C1QTNF7: variants seen among roughly 807,000 people sequenced by gnomAD.
C1QTNF7 encodes C1q and TNF related 7, also known as complement C1q tumor necrosis factor-related protein 7.
C1QTNF7 carries 15 observed loss-of-function variants against 19.6 expected under a neutral mutation model. The ratio of observed to expected loss-of-function variants is 0.76; its 90% CI spans 0.51 to 1.18. The LOEUF (loss-of-function observed/expected upper bound fraction) is 1.18, where lower values mean the gene tolerates loss of function less well. Among genes scored for constraint, C1QTNF7 ranks in the 50% most tolerant of loss-of-function variants. The probability of loss-of-function intolerance (pLI) is 0.00; values close to 1 mark genes in which losing one functional copy is unlikely to be tolerated. For missense variants in C1QTNF7, 324 were observed against 359.7 expected (o/e 0.90, Z 0.80); for synonymous variants, 142 against 137.5 (o/e 1.03, Z -0.23).
intron 1 of C1QTNF7, among the ~76,000 whole-genome samples, chr4:15,403,260 C>A (rs920440440): frequency 2.6e-5 from 4 of 152,140 alleles, no homozygotes; most frequent in African/African-American, 7.2e-5. Context: ...TTTGGATGTC[C>A]AATGTTGGTC....
chr4:15,414,734 G>T (rs1220761636), intron 1 of C1QTNF7, among the ~76,000 whole-genome samples: 1 of 151,990 alleles, frequency 6.6e-6, no homozygotes, highest in East Asian at 1.9e-4. Flanking sequence ...CTTCCAGCAA[G>T]AATCCTTTGG....
At chr4:15,356,461 G>A (rs965082962) in intron 1 of C1QTNF7, among the ~76,000 whole-genome samples, 3 of 152,152 alleles carry the variant, frequency 2.0e-5, no homozygotes, top group South Asian at 4.1e-4. Flanking sequence ...AGTATTCCAC[G>A]GTGTATATGT....
intron 1 of C1QTNF7, among the ~76,000 whole-genome samples, chr4:15,380,065 A>G (rs1337423252): frequency 6.6e-6 from 1 of 152,236 alleles, no homozygotes; most frequent in African/African-American, 2.4e-5. Context: ...GTTGCAGTTA[A>G]TGCCCAACAA....
intron 1 of C1QTNF7, among the ~76,000 whole-genome samples, chr4:15,340,451 T>G (rs1716500007): frequency 6.6e-6 from 1 of 152,128 alleles, no homozygotes; most frequent in African/African-American, 2.4e-5. Flanking sequence ...TCCCATTTGT[T>G]TCAGAAAATG....
At chr4:15,399,571 T>A (rs981096316) in intron 1 of C1QTNF7, among the ~76,000 whole-genome samples, 2 of 152,216 alleles carry the variant, frequency 1.3e-5, no homozygotes, top group Non-Finnish European at 2.9e-5. Context: ...ATGGAATAAA[T>A]GTGATGACCC....
intron 1 of C1QTNF7, among the ~76,000 whole-genome samples, chr4:15,419,147 T>C (rs937569992): frequency 1.3e-5 from 2 of 152,196 alleles, no homozygotes; most frequent in Non-Finnish European, 2.9e-5. Flanking sequence ...CAGTGTAAAT[T>C]CACACAACCT....
At chr4:15,358,875 T>G (rs1327645482) in intron 1 of C1QTNF7, among the ~76,000 whole-genome samples, 2 of 152,148 alleles carry the variant, frequency 1.3e-5, no homozygotes, top group African/African-American at 4.8e-5. Context: ...TGACCCTAGA[T>G]CTAGGAGTGG....
At chr4:15,373,871 AAGG>A (rs1717822824) in intron 1 of C1QTNF7, 1 of 152,224 alleles carries the variant, frequency 6.6e-6, no homozygotes, top group Non-Finnish European at 1.5e-5. Flanking sequence ...TGAGAATGGA[AAGG>A]AGAAGAGAAG....
At chr4:15,367,231 T>C (rs972948119) in intron 1 of C1QTNF7, among the ~76,000 whole-genome samples, 5 of 152,258 alleles carry the variant, frequency 3.3e-5, no homozygotes, top group Admixed American at 3.3e-4. Flanking sequence ...TTCGGGAAAA[T>C]AGAGTCTTCT....
At chr4:15,367,275 T>C (rs1445640106) in intron 1 of C1QTNF7, among the ~76,000 whole-genome samples, 4 of 152,212 alleles carry the variant, frequency 2.6e-5, no homozygotes, top group Admixed American at 6.5e-5. Context: ...TGAATTTTCT[T>C]GCCTTTATTA....
upstream of C1QTNF7, among the ~76,000 whole-genome samples, chr4:15,425,326 G>C (rs1405943664): frequency 1.3e-5 from 2 of 152,168 alleles, no homozygotes; most frequent in East Asian, 1.9e-4. Context: ...GTGCTAGAAG[G>C]GTTCAGGAGA....
chr4:15,340,503 T>A lies in C1QTNF7; in HGVS notation c.13+296T>A, dbSNP rs113731604. Among the ~76,000 whole-genome samples the A allele has an allele frequency of 1.9e-4, 29 of 152,294 alleles. 1 individual carries two copies. The highest frequency in any genetic ancestry group is 6.7e-4 in the African/African-American group (28 of 41,564). On this transcript the variant is annotated intron_variant, in intron 1 of 2. Transcript: ENST00000295297. ...AATCTCCAATCTGATGAACTTAGCA[T>A]TTGTCAGTGTGGTGACAGGCTAACT...
intron 1 of C1QTNF7, among the ~76,000 whole-genome samples, chr4:15,406,254 T>C (rs1324614393): frequency 6.6e-6 from 1 of 152,188 alleles, no homozygotes; most frequent in Non-Finnish European, 1.5e-5. Context: ...ACCTAATACA[T>C]ATTCAATAGC....
chr4:15,343,391 A>G (rs1268284861), intron 1 of C1QTNF7, among the ~76,000 whole-genome samples: 1 of 152,148 alleles, frequency 6.6e-6, no homozygotes, highest in Non-Finnish European at 1.5e-5. Context: ...CTGTATTTCT[A>G]TGAAACTGAA....
At chr4:15,412,728 G>C (rs1011101414) in intron 1 of C1QTNF7, among the ~76,000 whole-genome samples, 1 of 152,156 alleles carries the variant, frequency 6.6e-6, no homozygotes, top group Non-Finnish European at 1.5e-5. Context: ...ACCACACCTG[G>C]AAAGTAAATT....
At chr4:15,368,562 C>G (rs976629423) in intron 1 of C1QTNF7, among the ~76,000 whole-genome samples, 11 of 152,094 alleles carry the variant, frequency 7.2e-5, no homozygotes, top group African/African-American at 2.4e-4. Context: ...GTCCTTGCGA[C>G]AGTTTGCTGA....
chr4:15,421,977 A>G (rs1427789452), intron 1 of C1QTNF7, among the ~76,000 whole-genome samples: 1 of 152,144 alleles, frequency 6.6e-6, no homozygotes, highest in African/African-American at 2.4e-5. Flanking sequence ...CACTCTGGAA[A>G]AGGCAAAATT....
intron 1 of C1QTNF7, among the ~76,000 whole-genome samples, chr4:15,434,599 C>T (rs919868561): frequency 6.6e-6 from 1 of 152,168 alleles, no homozygotes; most frequent in East Asian, 1.9e-4. Flanking sequence ...ATGTTCTTCC[C>T]TTTAAAAAAC....
intron 1 of C1QTNF7, among the ~76,000 whole-genome samples, chr4:15,405,032 CAGTT>C (rs1269641290): frequency 2.0e-5 from 3 of 152,056 alleles, no homozygotes; most frequent in African/African-American, 7.3e-5. Flanking sequence ...CTAAGTGTAT[CAGTT>C]AGGAATGCTT....
Sources: gnomAD v4.1 joint callset for allele counts (sites outside exome capture counted in the v4.1 genomes callset) on GRCh38, gnomAD v4.1.1 for gene constraint, MANE v1.5 for transcripts, NCBI Gene and HGNC (gene_info 2026-07-23, HGNC 2026-07-21) for gene names.